ODAD2: variants seen among roughly 807,000 people sequenced by gnomAD.
The protein encoded by ODAD2 is outer dynein arm docking complex subunit 2.
ODAD2 carries 89 observed loss-of-function variants against 106.8 expected under a neutral mutation model. The observed-to-expected ratio is 0.83, with a 90% CI of 0.70 to 0.99. The LOEUF (loss-of-function observed/expected upper bound fraction) is 0.99, where lower values mean the gene tolerates loss of function less well. Ranked by LOEUF, ODAD2 falls within the 50% of genes least tolerant of loss-of-function variation. The pLI is 0.00. For missense variants in ODAD2, 1,168 were observed against 1,238.5 expected, an observed-to-expected ratio of 0.94 and a Z score of 0.85; for synonymous variants, 404 against 436.2, an observed-to-expected ratio of 0.93 and a Z score of 0.92.
intron 17 of ODAD2, among the ~76,000 whole-genome samples, chr10:27,868,608 A>C (rs1840626302): frequency 6.6e-6 from 1 of 152,136 alleles, no homozygotes; most frequent in African/African-American, 2.4e-5. Context: ...ACGTGTTCTC[A>C]CTCATAAGTG....
chr10:27,986,590 A>T (rs1472998878), intron 3 of ODAD2, among the ~76,000 whole-genome samples: 1 of 152,176 alleles, frequency 6.6e-6, no homozygotes, highest in Non-Finnish European at 1.5e-5. Flanking sequence ...TAAAAGTAAA[A>T]AAAAGACCAT....
intron 17 of ODAD2, among the ~76,000 whole-genome samples, chr10:27,886,460 A>G (rs1197375721): frequency 2.6e-5 from 4 of 152,110 alleles, no homozygotes; most frequent in Non-Finnish European, 5.9e-5. Context: ...ACTAACCTAG[A>G]GAAACAAGTT....
intron 17 of ODAD2, among the ~76,000 whole-genome samples, chr10:27,864,896 G>T (rs1020619151): frequency 1.3e-5 from 2 of 152,006 alleles, no homozygotes; most frequent in African/African-American, 4.8e-5. Context: ...ATGCAAAATG[G>T]GTATTATTTC....
intron 17 of ODAD2, among the ~76,000 whole-genome samples, chr10:27,899,577 G>A (rs140854078): frequency 0.027 from 4,148 of 152,240 alleles, 66 homozygotes; most frequent in Non-Finnish European, 0.043. Context: ...TGAAATTCTC[G>A]CTGTGAGCAT....
chr10:27,994,926 C>T lies in ODAD2; in HGVS notation c.217G>A (p.Val73Ile). ...LAPSAFESGY[V>I]VSETTVKSEE... ...AGCAAGTAACTGGCTTACCTGACAA[C>T]ATAACCTGATTCAAATGCTGAGGGC... The change falls in exon 2 of 20, where the codon GTT (valine) becomes ATT (isoleucine). Residue 73 changes from valine to isoleucine, a missense_variant. This residue lies in a region of ODAD2 where 430 missense variants were observed against 452.2 expected (regional missense o/e 0.95). Coordinates refer to ENST00000305242, the MANE Select transcript of ODAD2 (RefSeq NM_018076.5). 8 of 1,614,134 alleles carry T rather than the reference C, an allele frequency of 5.0e-6. No homozygotes were observed. Among genetic ancestry groups the T allele is most frequent in the Non-Finnish European group, 6.8e-6 (8 of 1,180,002 alleles).
intron 19 of ODAD2, among the ~76,000 whole-genome samples, chr10:27,837,121 C>G (rs1265946337): frequency 6.6e-6 from 1 of 152,150 alleles, no homozygotes; most frequent in Non-Finnish European, 1.5e-5. Context: ...GTTGTCCACA[C>G]AATTCCACCG....
intron 2 of ODAD2, among the ~76,000 whole-genome samples, chr10:27,994,348 T>G (rs1289110792): frequency 6.6e-6 from 1 of 152,196 alleles, no homozygotes; most frequent in East Asian, 1.9e-4. Flanking sequence ...AGAGATTTCA[T>G]CTACATCAGA....
At chr10:27,880,736 A>G (rs1232450305) in intron 17 of ODAD2, among the ~76,000 whole-genome samples, 4 of 152,172 alleles carry the variant, frequency 2.6e-5, no homozygotes, top group African/African-American at 9.7e-5. Context: ...CCAGACACCA[A>G]TGCCAGTGCC....
intron 18 of ODAD2, among the ~76,000 whole-genome samples, chr10:27,861,128 A>AT (rs1170055917): frequency 6.6e-5 from 10 of 152,098 alleles, no homozygotes; most frequent in Admixed American, 1.3e-4. Flanking sequence ...AGTAGCTGAG[A>AT]TTACAGGTGC....
chr10:27,961,605 T>C lies in ODAD2; in HGVS notation c.1349A>G (p.Glu450Gly). 6.2e-7 allele frequency: 1 copy of C among 1,612,084 alleles called. No individual in the cohort carries two copies. The highest frequency in any genetic ancestry group is 8.5e-7 in the Non-Finnish European group (1 of 1,178,928). The change falls in exon 10 of 20, where the codon GAA (glutamate) becomes GGA (glycine). Residue 450 changes from glutamate to glycine, a missense_variant. Physicochemically the swap from Glu to Gly is moderately conservative, Grantham distance 98. Coordinates refer to ENST00000305242, the MANE Select transcript of ODAD2 (RefSeq NM_018076.5). ...CACCAGCTTCTGAATTTGCCAATAT[T>C]CTGATGGCAAATCTGCACTTGCTTC... ...RQEASADLPS[E>G]YWQIQKLVKY...
chr10:27,954,412 C>A (rs1486100188), intron 10 of ODAD2, among the ~76,000 whole-genome samples: 1 of 152,142 alleles, frequency 6.6e-6, no homozygotes, highest in South Asian at 2.1e-4. Flanking sequence ...AATCAAAAAT[C>A]TGATAAATAA....
intron 10 of ODAD2, among the ~76,000 whole-genome samples, chr10:27,952,640 G>A (rs1174146853): frequency 6.6e-6 from 1 of 152,022 alleles, no homozygotes; most frequent in East Asian, 1.9e-4. Flanking sequence ...TTACCACAGG[G>A]AGATTTAAAA....
Position 27,817,582 on chromosome 10 carries a change from T to C in ODAD2, c.3022-4957A>G, listed in dbSNP as rs74946539. Among the ~76,000 whole-genome samples the C allele has an allele frequency of 2.2e-3, 332 of 152,300 alleles. 2 individuals carry two copies. Among genetic ancestry groups the C allele is most frequent in the African/African-American group, 7.6e-3 (316 of 41,574 alleles). On this transcript the variant is annotated intron_variant, in intron 19 of 19. Transcript: ENST00000305242. ...TAGCTCTCACTAATAAGTGAGAACATGCAGTTTTGACTTTCTGTTTCTGAG... is the reference window on the plus strand; with the variant it reads ...TAGCTCTCACTAATAAGTGAGAACACGCAGTTTTGACTTTCTGTTTCTGAG...
At chr10:27,960,050 C>T (rs909972281) in intron 10 of ODAD2, among the ~76,000 whole-genome samples, 7 of 151,714 alleles carry the variant, frequency 4.6e-5, no homozygotes, top group African/African-American at 1.7e-4. Context: ...TTGACAGATG[C>T]CACAAAAATA....
At chr10:27,825,920 C>A (rs1394654909) in intron 19 of ODAD2, among the ~76,000 whole-genome samples, 8 of 151,694 alleles carry the variant, frequency 5.3e-5, no homozygotes, top group Non-Finnish European at 1.0e-4. Context: ...CTGAAAATGA[C>A]ACCTCATCCT....
chr10:27,995,017 G>A lies in ODAD2; in HGVS notation c.126C>T (p.Ile42=). ...KEIIVFVESF[I]YKHPQEAKFV... ...ATTTTGCCTCTTGAGGATGTTTATA[G>A]ATAAAACTCTCCACAAACACAATAA... Residue 42 remains isoleucine, a synonymous_variant, in exon 2 of 20, where the codon ATC becomes ATT. Coordinates refer to ENST00000305242, the MANE Select transcript of ODAD2 (RefSeq NM_018076.5). 1 of 1,614,154 alleles carries A rather than the reference G, an allele frequency of 6.2e-7. No homozygotes were observed. Among genetic ancestry groups the A allele is most frequent in the Non-Finnish European group, 8.5e-7 (1 of 1,180,014 alleles).
At chr10:27,958,305 A>C (rs1284425424) in intron 10 of ODAD2, among the ~76,000 whole-genome samples, 4 of 152,202 alleles carry the variant, frequency 2.6e-5, no homozygotes, top group African/African-American at 9.6e-5. Context: ...CTAAAGCTAC[A>C]AGGACTTATC....
Position 27,817,927 on chromosome 10 carries a change from C to T in ODAD2, c.3022-5302G>A, listed in dbSNP as rs138963733. Among the ~76,000 whole-genome samples the T allele has an allele frequency of 7.4e-3, 1,122 of 151,986 alleles. 5 individuals are homozygous for T. The highest frequency in any genetic ancestry group is 0.011 in the Non-Finnish European group (773 of 68,006). On this transcript the variant is annotated intron_variant, in intron 19 of 19. Transcript: ENST00000305242. ...CAGATACAACTTTATGAAATTTAGA[C>T]GATTTCTTCTAGATACATACTTCGC... is the stretch of plus-strand genomic sequence containing the variant.
chr10:27,910,882 T>C (rs1463961366), intron 16 of ODAD2, among the ~76,000 whole-genome samples: 1 of 152,102 alleles, frequency 6.6e-6, no homozygotes, highest in African/African-American at 2.4e-5. Context: ...CTTCCTAGGG[T>C]ATATATAAAG....
Sources: gnomAD v4.1 joint callset for allele counts (sites outside exome capture counted in the v4.1 genomes callset) on GRCh38, gnomAD v4.1.1 for gene constraint, gnomAD v4.1.1 regional missense constraint, MANE v1.5 for transcripts, NCBI Gene and HGNC (gene_info 2026-07-23, HGNC 2026-07-21) for gene names.